CTH: variants seen among roughly 807,000 people sequenced by gnomAD.
CTH encodes cystathionine gamma-lyase.
CTH carries 41 observed loss-of-function variants against 50.6 expected under a neutral mutation model. The observed-to-expected ratio is 0.81, with a 90% CI of 0.63 to 1.05. The LOEUF (loss-of-function observed/expected upper bound fraction) is 1.05. Ranked by LOEUF, CTH falls within the 50% of genes least tolerant of loss-of-function variation. The pLI, the probability that CTH is intolerant of heterozygous loss-of-function variation, is 0.00. For missense variants in CTH, 470 were observed against 492.6 expected (o/e 0.95, Z 0.43); for synonymous variants, 156 against 168.9 (o/e 0.92, Z 0.59).
intron 10 of CTH, among the ~76,000 whole-genome samples, chr1:70,436,050 G>A (rs1684590652): frequency 6.6e-6 from 1 of 152,098 alleles, no homozygotes; most frequent in South Asian, 2.1e-4. Context: ...TGCAATGGCT[G>A]ACGCCTGCAA....
At chr1:70,413,205 C>G (rs1014372997) in intron 1 of CTH, among the ~76,000 whole-genome samples, 7 of 151,794 alleles carry the variant, frequency 4.6e-5, no homozygotes, top group African/African-American at 1.7e-4. Flanking sequence ...GTTTAGAATA[C>G]TCTTTACTGT....
chr1:70,426,880 G>GGGAA (rs1207056188), intron 5 of CTH, among the ~76,000 whole-genome samples: 2 of 152,128 alleles, frequency 1.3e-5, no homozygotes, highest in African/African-American at 4.8e-5. Flanking sequence ...CAAAAAGATT[G>GGGAA]CATACGTTTT....
chr1:70,417,177 T>C (rs1319386937), intron 2 of CTH, among the ~76,000 whole-genome samples: 1 of 152,174 alleles, frequency 6.6e-6, no homozygotes, highest in African/African-American at 2.4e-5. Flanking sequence ...ATCAGACAAA[T>C]CTCAGGTCTG....
Position 70,433,922 on chromosome 1 carries a change from T to G in CTH, c.972T>G (p.His324Gln). 1 of 1,614,120 alleles carries G rather than the reference T, an allele frequency of 6.2e-7. No individual in the cohort carries two copies. The highest frequency in any genetic ancestry group is 8.5e-7 in the Non-Finnish European group (1 of 1,179,976). The change falls in exon 9 of 12, where the codon CAT becomes CAG. Residue 324 changes from histidine (H) to glutamine (Q), a missense_variant. By Grantham distance (24) the His-to-Gln change is conservative. Coordinates refer to ENST00000370938, the MANE Select transcript of CTH (RefSeq NM_001902.6). ...VTFYIKGTLQ[H>Q]AEIFLKNLKL... ...TTTATATTAAGGGCACTCTTCAGCA[T>G]GCTGAGATTTTCCTCAAGAACCTAA... is the stretch of plus-strand genomic sequence containing the variant.
At chr1:70,429,419 C>T (rs1684416725) in intron 5 of CTH, among the ~76,000 whole-genome samples, 1 of 152,136 alleles carries the variant, frequency 6.6e-6, no homozygotes, top group South Asian at 2.1e-4. Context: ...GCTGAATGTT[C>T]ATTTCAACTA....
chr1:70,427,322 C>T (rs1684366437), intron 5 of CTH, among the ~76,000 whole-genome samples: 1 of 152,122 alleles, frequency 6.6e-6, no homozygotes, highest in African/African-American at 2.4e-5. Flanking sequence ...GGATCTATCT[C>T]ATTTTTCTTA....
At position 70,411,460 on chromosome 1, in the gene CTH, C is replaced by T; in HGVS notation, c.45C>T (p.Phe15=). The T allele has an allele frequency of 2.5e-6, 4 of 1,614,192 alleles. No homozygotes were observed. Among genetic ancestry groups the T allele is most frequent in the Non-Finnish European group, 2.5e-6 (3 of 1,180,038 alleles). Residue 15 remains phenylalanine, a synonymous_variant, in exon 1 of 12, where the codon TTC becomes TTT. Transcript: ENST00000370938. ...CCTCACAAGGTTTCCTGCCACACTT[C>T]CAACATTTCGCCACGCAGGCGATCC... ...DASSQGFLPH[F]QHFATQAIHV... is the part of the protein sequence containing the mutation.
intron 1 of CTH, among the ~76,000 whole-genome samples, chr1:70,413,258 TC>T (rs1307602280): frequency 1.3e-4 from 20 of 149,660 alleles, no homozygotes; most frequent in African/African-American, 4.9e-4. Context: ...TTTCTTTCTT[TC>T]TTTTTTTTTT....
intron 10 of CTH, 114 bp from the exon 11 acceptor site, chr1:70,438,573 CA>C: frequency 8.6e-7 from 1 of 1,167,970 alleles, no homozygotes; most frequent in Non-Finnish European, 1.3e-6. Context: ...TAGGGGTATG[CA>C]AAATTTGATA....
At chr1:70,433,786 G>A in intron 8 of CTH, 42 bp from the exon 9 acceptor site, 1 of 1,611,762 alleles carries the variant, frequency 6.2e-7, no homozygotes, top group East Asian at 2.2e-5. Flanking sequence ...AAAATTACAT[G>A]TTTAATTCTA....
chr1:70,416,527 G>A (rs955297197), intron 2 of CTH, among the ~76,000 whole-genome samples: 2 of 151,242 alleles, frequency 1.3e-5, no homozygotes, highest in East Asian at 3.9e-4. Flanking sequence ...TGAGTGGCTG[G>A]GATTGCAGGT....
chr1:70,412,798 T>C (rs1683997831), intron 1 of CTH, among the ~76,000 whole-genome samples: 1 of 152,188 alleles, frequency 6.6e-6, no homozygotes, highest in Admixed American at 6.5e-5. Context: ...GTATAGTACA[T>C]AATAATTACT....
intron 10 of CTH, among the ~76,000 whole-genome samples, chr1:70,437,354 C>T (rs1684619571): frequency 6.6e-6 from 1 of 152,174 alleles, no homozygotes; most frequent in African/African-American, 2.4e-5. Context: ...CATGTTCCTT[C>T]AAATTAATGT....
chr1:70,423,410 T>A (rs942813240), intron 4 of CTH, among the ~76,000 whole-genome samples: 32 of 147,606 alleles, frequency 2.2e-4, no homozygotes, highest in East Asian at 4.0e-4. Context: ...AAAAAAAAAA[T>A]AATAATAATA....
chr1:70,425,441 G>A (rs1005637062), intron 5 of CTH, among the ~76,000 whole-genome samples: 3 of 152,148 alleles, frequency 2.0e-5, no homozygotes, highest in African/African-American at 2.4e-5. Flanking sequence ...GAGCCTTCTC[G>A]CTGTGTCCTC....
rs766184413 is a variant in CTH, at chr1:70,418,041, C to A, written c.346+9C>A. 3 of 1,613,592 alleles carry A rather than the reference C, an allele frequency of 1.9e-6. No individual in the cohort carries two copies. Among genetic ancestry groups the A allele is most frequent in the African/African-American group, 2.7e-5 (2 of 75,012 alleles). On this transcript the variant is annotated intron_variant, in intron 3 of 11. Transcript: ENST00000370938. ...GGATGATGTGTATGGAGGTAGGTGACCCCTCTCATTTATATTCTGTAAACT... is the reference window on the plus strand; with the variant it reads ...GGATGATGTGTATGGAGGTAGGTGAACCCTCTCATTTATATTCTGTAAACT...
chr1:70,411,744 G>A (rs1262697134), intron 1 of CTH, 161 bp downstream of exon 1: 1 of 907,366 alleles, frequency 1.1e-6, no homozygotes, highest in Admixed American at 6.2e-5. Flanking sequence ...GCTTTGTATC[G>A]GATGGTCCAG....
chr1:70,420,418 C>G (rs1684189690), intron 3 of CTH, among the ~76,000 whole-genome samples: 1 of 152,086 alleles, frequency 6.6e-6, no homozygotes, highest in Non-Finnish European at 1.5e-5. Flanking sequence ...ATCTAGATCC[C>G]TCGAAAGTTA....
chr1:70,413,955 T>C (rs967625800), intron 1 of CTH, among the ~76,000 whole-genome samples: 3 of 151,524 alleles, frequency 2.0e-5, no homozygotes, highest in Admixed American at 6.6e-5. Context: ...TTGGCCAGGC[T>C]GGTCTTGAAA....
Sources: allele counts gnomAD v4.1 joint callset (sites outside exome capture counted in the v4.1 genomes callset), GRCh38; gene constraint gnomAD v4.1.1; transcripts MANE v1.5; gene names NCBI Gene and HGNC (gene_info 2026-07-23, HGNC 2026-07-21).